The following PIK3R3 variants were observed in gnomAD, a reference collection of about 807,000 sequenced individuals.
PIK3R3 encodes phosphatidylinositol 3-kinase regulatory subunit gamma.
PIK3R3 carries 64 observed loss-of-function variants against 62.9 expected under a neutral mutation model. The ratio of observed to expected loss-of-function variants is 1.02; its 90% CI spans 0.83 to 1.25. PIK3R3 has a LOEUF of 1.25. Ranked by LOEUF, PIK3R3 falls within the 50% of genes most tolerant of loss-of-function variation. PIK3R3 has a pLI of 0.00. For missense variants in PIK3R3, 614 were observed against 561.6 expected (o/e 1.09, Z -0.94); for synonymous variants, 165 against 189.0 (o/e 0.87, Z 1.04).
chr1:46,168,093 G>A, the PIK3R3 span, among the ~76,000 whole-genome samples: 1 of 152,132 alleles, frequency 6.6e-6, no homozygotes, highest in Non-Finnish European at 1.5e-5. Flanking sequence ...GGAAGTTGCA[G>A]TGAGCCTAGA....
intron 1 of PIK3R3, among the ~76,000 whole-genome samples, chr1:46,112,125 T>C (rs1321201796): frequency 1.3e-5 from 2 of 152,198 alleles, no homozygotes; most frequent in East Asian, 3.8e-4. Context: ...AAAATACACC[T>C]TTACACCTTT....
At chr1:46,061,424 T>C (rs144642140) in intron 6 of PIK3R3, among the ~76,000 whole-genome samples, 9 of 152,336 alleles carry the variant, frequency 5.9e-5, no homozygotes, top group Admixed American at 3.9e-4. Flanking sequence ...CCTACAGTCT[T>C]GTTCTACTAC....
chr1:46,097,659 G>C (rs951534505), intron 1 of PIK3R3, among the ~76,000 whole-genome samples: 1 of 151,718 alleles, frequency 6.6e-6, no homozygotes, highest in African/African-American at 2.4e-5. Flanking sequence ...AGGCCGAGGC[G>C]GGTGGATCAC....
intron 7 of PIK3R3, chr1:46,047,068 G>C (rs1388049953): frequency 6.3e-6 from 1 of 157,566 alleles, no homozygotes; most frequent in African/African-American, 2.4e-5. Flanking sequence ...ATCTATTTTT[G>C]CATTTAAGCA....
At chr1:46,146,621 G>A in the PIK3R3 span, among the ~76,000 whole-genome samples, 1 of 151,476 alleles carries the variant, frequency 6.6e-6, no homozygotes, top group South Asian at 2.1e-4. Context: ...CCTTGGAGGA[G>A]GCTCCAGTTC....
intron 1 of PIK3R3, among the ~76,000 whole-genome samples, chr1:46,101,980 C>CTTTTTTTTTTTTT (rs538688681): frequency 1.1e-5 from 1 of 89,930 alleles, no homozygotes; most frequent in Non-Finnish European, 2.0e-5. Flanking sequence ...GAATTGTATA[C>CTTTTTTTTTTTTT]TTTTTTTTTT....
chr1:46,090,365 T>C (rs2149426959), intron 1 of PIK3R3, among the ~76,000 whole-genome samples: 1 of 152,250 alleles, frequency 6.6e-6, no homozygotes, highest in Non-Finnish European at 1.5e-5. Context: ...ACAGTCTCCC[T>C]CTATTGCTCA....
chr1:46,171,353 T>C, the PIK3R3 span, among the ~76,000 whole-genome samples: 1 of 152,202 alleles, frequency 6.6e-6, no homozygotes, highest in African/African-American at 2.4e-5. Flanking sequence ...TGCCCCATGG[T>C]CCAGGGAGAG....
chr1:46,117,987 A>G (rs1385720125), intron 1 of PIK3R3, among the ~76,000 whole-genome samples: 1 of 150,806 alleles, frequency 6.6e-6, no homozygotes, highest in African/African-American at 2.4e-5. Flanking sequence ...CTAAGGTGGG[A>G]GGACCACTTG....
chr1:46,061,801 A>G (rs1648513578), intron 6 of PIK3R3, 128 bp downstream of exon 6: 1 of 829,798 alleles, frequency 1.2e-6, no homozygotes, highest in Non-Finnish European at 2.0e-6. Flanking sequence ...CCATTAGTGG[A>G]AACAGCAAGT....
At chr1:46,109,224 T>C (rs1653506909) in intron 1 of PIK3R3, among the ~76,000 whole-genome samples, 1 of 152,130 alleles carries the variant, frequency 6.6e-6, no homozygotes, top group African/African-American at 2.4e-5. Flanking sequence ...CCTCTTACTT[T>C]TGCTTCACAG....
At chr1:46,165,767 T>A in the PIK3R3 span, among the ~76,000 whole-genome samples, 3 of 65,374 alleles carry the variant, frequency 4.6e-5, no homozygotes, top group Non-Finnish European at 1.1e-4. Context: ...TTTTTTTTTT[T>A]TTTTTTTTTT....
chr1:46,116,666 A>T (rs1410048270), intron 1 of PIK3R3, among the ~76,000 whole-genome samples: 1 of 151,912 alleles, frequency 6.6e-6, no homozygotes, highest in East Asian at 1.9e-4. Flanking sequence ...CATCCAAAAA[A>T]AAAAAAAATT....
intron 1 of PIK3R3, among the ~76,000 whole-genome samples, chr1:46,081,448 G>T (rs1650582958): frequency 6.6e-6 from 1 of 152,172 alleles, no homozygotes. Context: ...ATTACTGCCT[G>T]AGCTTCGGCA....
chr1:46,166,497 C>T, the PIK3R3 span, among the ~76,000 whole-genome samples: 2 of 152,094 alleles, frequency 1.3e-5, no homozygotes, highest in Admixed American at 1.3e-4. Context: ...TGCTGGGAGG[C>T]GTGAGCCACC....
At chr1:46,151,993 A>G in the PIK3R3 span, among the ~76,000 whole-genome samples, 2 of 152,234 alleles carry the variant, frequency 1.3e-5, no homozygotes, top group Non-Finnish European at 2.9e-5. Context: ...CCAAAGTCTT[A>G]TCCTGGAACA....
the PIK3R3 span, among the ~76,000 whole-genome samples, chr1:46,144,422 C>T: frequency 6.6e-6 from 1 of 152,096 alleles, no homozygotes; most frequent in Non-Finnish European, 1.5e-5. Flanking sequence ...GAGCCATATA[C>T]CATATGTCAA....
chr1:46,144,907 C>T, the PIK3R3 span, among the ~76,000 whole-genome samples: 5 of 151,988 alleles, frequency 3.3e-5, no homozygotes, highest in Non-Finnish European at 7.4e-5. Context: ...GGTAGATCAC[C>T]GAGGTCGGGA....
Position 46,045,917 on chromosome 1 carries a change from C to A in PIK3R3, c.1187+1G>T, listed in dbSNP as rs1370712534. Reference sequence around the variant, plus strand: ...AGGTTATATCCCCAGAGAAGACTTACACCACAGAGCAAGCATAGCATCCTT... The same window carrying A: ...AGGTTATATCCCCAGAGAAGACTTAAACCACAGAGCAAGCATAGCATCCTT... On this transcript the variant is annotated splice_donor_variant, in intron 9 of 9. Coordinates refer to ENST00000262741, the MANE Select transcript of PIK3R3 (RefSeq NM_003629.4). LOFTEE classifies it high-confidence loss of function. The A allele has an allele frequency of 1.2e-6, 2 of 1,611,396 alleles. No homozygotes were observed. Among genetic ancestry groups the A allele is most frequent in the African/African-American group, 1.3e-5 (1 of 74,904 alleles).
Sources: allele counts gnomAD v4.1 joint callset (sites outside exome capture counted in the v4.1 genomes callset), GRCh38; gene constraint gnomAD v4.1.1; transcripts MANE v1.5; gene names NCBI Gene and HGNC (gene_info 2026-07-23, HGNC 2026-07-21).